Variants in TPTE2 observed in about 807,000 individuals in gnomAD.
TPTE2 encodes the protein transmembrane phosphoinositide 3-phosphatase and tensin homolog 2, also known as phosphatidylinositol 3,4,5-trisphosphate 3-phosphatase TPTE2.
TPTE2 carries 53 observed loss-of-function variants against 78.6 expected under a neutral mutation model. The ratio of observed to expected loss-of-function variants is 0.67; its 90% confidence interval spans 0.54 to 0.85. TPTE2 has a LOEUF of 0.85. Ranked by LOEUF, TPTE2 falls within the 40% of genes least tolerant of loss-of-function variation. TPTE2 has a pLI of 0.00. For synonymous variants in TPTE2, 175 were observed against 206.2 expected (o/e 0.85, Z 1.30); for missense variants, 461 against 623.0 (o/e 0.74, Z 2.77).
intron 18 of TPTE2, among the ~76,000 whole-genome samples, chr13:19,425,990 G>C (rs2497214): frequency 6.6e-6 from 1 of 151,580 alleles, no homozygotes; most frequent in Non-Finnish European, 1.5e-5. Context: ...GCCCAGGAGG[G>C]TGAAGCTACA....
At chr13:19,489,178 G>A (rs1183347938) in intron 3 of TPTE2, among the ~76,000 whole-genome samples, 1 of 152,100 alleles carries the variant, frequency 6.6e-6, no homozygotes, top group Non-Finnish European at 1.5e-5. Context: ...TAACAACAAA[G>A]ATCACTGATC....
At chr13:19,453,822 G>C (rs906089723) in intron 10 of TPTE2, among the ~76,000 whole-genome samples, 5 of 152,072 alleles carry the variant, frequency 3.3e-5, no homozygotes, top group Admixed American at 1.3e-4. Context: ...AGGAATGTAG[G>C]TAATTGTATA....
At chr13:19,436,294 A>T in exon 15 of TPTE2, 1 of 1,613,124 alleles carries the variant, frequency 6.2e-7, no homozygotes, top group South Asian at 1.1e-5. Flanking sequence ...TCTCCAAAAT[A>T]ATATAGGCTT....
intron 11 of TPTE2, among the ~76,000 whole-genome samples, chr13:19,450,633 C>T (rs530602270): frequency 1.3e-5 from 2 of 152,286 alleles, no homozygotes; most frequent in East Asian, 3.9e-4. Flanking sequence ...TTAGAAACCA[C>T]ACAAGAGGCA....
intron 10 of TPTE2, among the ~76,000 whole-genome samples, chr13:19,463,143 C>T (rs1879041664): frequency 5.2e-5 from 1 of 19,100 alleles, no homozygotes; most frequent in Admixed American, 9.0e-4. Context: ...ACCACCAAAC[C>T]CAACTAATTT....
At chr13:19,537,648 G>A (rs1223820614), upstream of TPTE2, among the ~76,000 whole-genome samples, 2 of 151,724 alleles carry the variant, frequency 1.3e-5, no homozygotes, top group Admixed American at 1.3e-4. Context: ...TGTCGCCAAG[G>A]CTGGAGTGCA....
upstream of TPTE2, among the ~76,000 whole-genome samples, chr13:19,503,890 G>A (rs370726923): frequency 4.3e-4 from 66 of 152,148 alleles, no homozygotes; most frequent in African/African-American, 4.6e-4. Flanking sequence ...ACAGGCGCCC[G>A]CCACCACGCC....
chr13:19,477,067 A>G (rs1880001845), intron 4 of TPTE2, among the ~76,000 whole-genome samples: 1 of 152,202 alleles, frequency 6.6e-6, no homozygotes, highest in South Asian at 2.1e-4. Flanking sequence ...TTGTGGGAAC[A>G]TGGATGGATC....
chr13:19,428,781 T>A (rs1876337446), intron 17 of TPTE2, among the ~76,000 whole-genome samples: 1 of 151,692 alleles, frequency 6.6e-6, no homozygotes, highest in Non-Finnish European at 1.5e-5. Flanking sequence ...CTAACTAAAT[T>A]AGAGTTGTGT....
rs570895467 is a variant in TPTE2, at chr13:19,435,312, TTTG to T, written c.1116+911_1116+913del. ...GATATGATAAAAAGTGTTAAGGTTT[TTTG>T]TTGTTGTTTTAAGAGTACTTAAATG... is the stretch of plus-strand genomic sequence containing the variant. On this transcript the variant is annotated intron_variant, in intron 15 of 19. Transcript: ENST00000400230. Among the ~76,000 whole-genome samples, 5 of 152,220 alleles carry T rather than the reference TTTG, an allele frequency of 3.3e-5. No homozygotes were observed. The South Asian group carries it at 6.2e-4, about 19-fold the overall frequency.
chr13:19,458,329 A>G lies in TPTE2; in HGVS notation c.741+6127T>C, dbSNP rs562254094. On this transcript the variant is annotated intron_variant, in intron 10 of 19. Transcript: ENST00000400230. ...AATTCTGGTGTATGAGATCTATTATATCATAGGACACATAAAAAAGTCATG... is the reference window on the plus strand; with the variant it reads ...AATTCTGGTGTATGAGATCTATTATGTCATAGGACACATAAAAAAGTCATG... 342 of 256,076 alleles carry G rather than the reference A, an allele frequency of 1.3e-3. 1 individual carries two copies. The highest frequency in any genetic ancestry group is 2.1e-3 in the Non-Finnish European group (259 of 125,418). 15.9% of individuals were successfully genotyped at this position (256,076 alleles called of 1,614,324 possible).
intron 3 of TPTE2, among the ~76,000 whole-genome samples, chr13:19,485,344 GT>G (rs969544689): frequency 1.5e-4 from 22 of 149,798 alleles, no homozygotes; most frequent in African/African-American, 3.4e-4. Flanking sequence ...TCAGCTGAAA[GT>G]TTTTTTTTTC....
chr13:19,498,745 G>A (rs1302903173), intron 1 of TPTE2, among the ~76,000 whole-genome samples: 10 of 151,050 alleles, frequency 6.6e-5, no homozygotes, highest in Non-Finnish European at 1.3e-4. Context: ...ATCAACTAAC[G>A]CGCAAAAAAA....
intron 3 of TPTE2, among the ~76,000 whole-genome samples, chr13:19,490,407 T>C (rs1037187771): frequency 1.3e-5 from 2 of 152,242 alleles, no homozygotes; most frequent in African/African-American, 4.8e-5. Context: ...AGTTATTTCT[T>C]TGAAACATGG....
At chr13:19,495,744 CA>C (rs1881270314) in intron 1 of TPTE2, among the ~76,000 whole-genome samples, 1 of 152,228 alleles carries the variant, frequency 6.6e-6, no homozygotes, top group African/African-American at 2.4e-5. Flanking sequence ...AATTCATACA[CA>C]GGGCACTGCC....
At chr13:19,458,672 G>T in intron 10 of TPTE2, 1 of 494,054 alleles carries the variant, frequency 2.0e-6, no homozygotes, top group East Asian at 5.5e-5. Context: ...GTGGCACTGG[G>T]CACACTTCTG....
intron 1 of TPTE2, among the ~76,000 whole-genome samples, chr13:19,514,592 A>AGAGTGTGTGTGTGTGTGTGTGT (rs542178212): frequency 1.6e-5 from 2 of 126,822 alleles, no homozygotes; most frequent in Non-Finnish European, 3.4e-5. Context: ...TACTTCTGAG[A>AGAGTGTGTGTGTGTGTGTGTGT]GTGTGTGTGT....
At chr13:19,498,192 G>A (rs1001876920) in intron 1 of TPTE2, among the ~76,000 whole-genome samples, 3 of 152,150 alleles carry the variant, frequency 2.0e-5, no homozygotes, top group African/African-American at 7.2e-5. Context: ...TGAAAGTGAT[G>A]GGGAGAATGG....
chr13:19,492,705 T>C, intron 3 of TPTE2, 145 bp downstream of exon 6: 1 of 1,145,016 alleles, frequency 8.7e-7, no homozygotes, highest in Non-Finnish European at 1.2e-6. Context: ...GTGTTTCCAC[T>C]TTGTGCATGG....
Sources: allele counts gnomAD v4.1 joint callset (sites outside exome capture counted in the v4.1 genomes callset), GRCh38; gene constraint gnomAD v4.1.1; transcripts MANE v1.5; gene names NCBI Gene and HGNC (gene_info 2026-07-23, HGNC 2026-07-21).